The following RPS6KC1 variants were observed in gnomAD, a reference collection of about 807,000 sequenced individuals.
The protein encoded by RPS6KC1 is ribosomal protein S6 kinase C1, also known as inactive ribosomal protein S6 kinase delta-1.
A neutral mutation model predicts 103.8 loss-of-function variants in RPS6KC1; 54 were observed. That is an observed-to-expected ratio of 0.52 (90% CI 0.42 to 0.65). The LOEUF is 0.65. RPS6KC1 is among the 30% of genes least tolerant of loss of function. The probability of loss-of-function intolerance (pLI) is 0.00; values close to 1 mark genes in which losing one functional copy is unlikely to be tolerated. For synonymous variants in RPS6KC1, 439 were observed against 438.7 expected (o/e 1.00, Z -0.01); for missense variants, 1,151 against 1,253.8 (o/e 0.92, Z 1.24).
At chr1:213,690,509 C>T in the RPS6KC1 span, among the ~76,000 whole-genome samples, 2 of 152,168 alleles carry the variant, frequency 1.3e-5, no homozygotes, top group Non-Finnish European at 2.9e-5. Context: ...ACCAAGTTTA[C>T]TGACTGGCCA....
At chr1:213,793,259 G>C in the RPS6KC1 span, among the ~76,000 whole-genome samples, 1 of 152,160 alleles carries the variant, frequency 6.6e-6, no homozygotes, top group Non-Finnish European at 1.5e-5. Context: ...CCTCCATCCA[G>C]CACTGGGTCC....
intron 5 of RPS6KC1, among the ~76,000 whole-genome samples, chr1:213,121,170 G>C (rs1213044653): frequency 1.3e-5 from 2 of 152,176 alleles, no homozygotes; most frequent in Non-Finnish European, 1.5e-5. Context: ...TTAGACGCAA[G>C]TGATTCTCCT....
At chr1:213,537,376 G>A in the RPS6KC1 span, among the ~76,000 whole-genome samples, 9 of 152,094 alleles carry the variant, frequency 5.9e-5, no homozygotes, top group African/African-American at 2.2e-4. Context: ...ATTGGAAGGG[G>A]GTTGGACTTG....
chr1:213,633,794 A>T, the RPS6KC1 span, among the ~76,000 whole-genome samples: 1 of 145,378 alleles, frequency 6.9e-6, no homozygotes, highest in Non-Finnish European at 1.5e-5. Flanking sequence ...TGCTGTATTC[A>T]GAAGACCCAT....
At chr1:213,451,784 G>C in the RPS6KC1 span, among the ~76,000 whole-genome samples, 1 of 152,208 alleles carries the variant, frequency 6.6e-6, no homozygotes, top group Non-Finnish European at 1.5e-5. Context: ...CTGAGCTGGG[G>C]CAAGAACCCA....
At chr1:213,458,632 A>G in the RPS6KC1 span, among the ~76,000 whole-genome samples, 18 of 152,168 alleles carry the variant, frequency 1.2e-4, no homozygotes, top group Admixed American at 3.3e-4. Flanking sequence ...CCTGGCCAGA[A>G]CTTCCAATAC....
chr1:213,063,303 TA>T (rs1248113048), intron 1 of RPS6KC1, among the ~76,000 whole-genome samples: 1 of 152,240 alleles, frequency 6.6e-6, no homozygotes, highest in Admixed American at 6.5e-5. Context: ...CTTGGAATTT[TA>T]ATCTTGAAGA....
chr1:213,070,793 C>T (rs906142492), intron 1 of RPS6KC1, among the ~76,000 whole-genome samples: 4 of 152,040 alleles, frequency 2.6e-5, no homozygotes, highest in Admixed American at 1.3e-4. Context: ...AATATGTAGC[C>T]TAAGGGAGGT....
the RPS6KC1 span, among the ~76,000 whole-genome samples, chr1:213,749,485 A>C: frequency 1.3e-5 from 2 of 152,194 alleles, no homozygotes; most frequent in Non-Finnish European, 2.9e-5. Flanking sequence ...TGCCAAGCAC[A>C]TGCCCTGGGC....
At chr1:213,717,372 A>T in the RPS6KC1 span, among the ~76,000 whole-genome samples, 1 of 152,368 alleles carries the variant, frequency 6.6e-6, no homozygotes, top group East Asian at 1.9e-4. Context: ...GGATAAATAA[A>T]AGTTGACAAG....
the RPS6KC1 span, among the ~76,000 whole-genome samples, chr1:213,713,515 A>T: frequency 6.6e-6 from 1 of 152,156 alleles, no homozygotes; most frequent in Non-Finnish European, 1.5e-5. Context: ...ATTCTTGGAT[A>T]CTTGTTTAAT....
At chr1:213,537,152 G>A in the RPS6KC1 span, among the ~76,000 whole-genome samples, 7 of 152,038 alleles carry the variant, frequency 4.6e-5, no homozygotes, top group Admixed American at 4.6e-4. Context: ...CAAATCTCAG[G>A]GCCTCCATTC....
At chr1:213,228,595 C>T (rs1306820337) in intron 8 of RPS6KC1, among the ~76,000 whole-genome samples, 1 of 151,882 alleles carries the variant, frequency 6.6e-6, no homozygotes, top group Non-Finnish European at 1.5e-5. Flanking sequence ...CATGGTGGCA[C>T]ATGCCTGTAG....
chr1:213,410,765 C>T, the RPS6KC1 span, among the ~76,000 whole-genome samples: 28 of 151,394 alleles, frequency 1.8e-4, no homozygotes, highest in African/African-American at 9.7e-5. Context: ...GATGTGAAGC[C>T]GGAAGGGAGC....
chr1:213,442,266 CAT>C, the RPS6KC1 span, among the ~76,000 whole-genome samples: 2 of 152,232 alleles, frequency 1.3e-5, no homozygotes, highest in African/African-American at 4.8e-5. Context: ...CATAACACCA[CAT>C]AGCCCTTTTG....
the RPS6KC1 span, among the ~76,000 whole-genome samples, chr1:213,617,449 A>G: frequency 6.6e-6 from 1 of 152,142 alleles, no homozygotes. Flanking sequence ...TGTTAATTTG[A>G]AATGTACTGA....
At chr1:213,153,243 GGGGAGAGGGAGAGGGAGA>G (rs374821575) in intron 6 of RPS6KC1, among the ~76,000 whole-genome samples, 1 of 151,056 alleles carries the variant, frequency 6.6e-6, no homozygotes, top group Non-Finnish European at 1.5e-5. Flanking sequence ...GGGAGACCGT[GGGGAGAGGGAGAGGGAGA>G]GGGAGAGGGA....
the RPS6KC1 span, among the ~76,000 whole-genome samples, chr1:213,344,192 T>A: frequency 6.6e-6 from 1 of 152,174 alleles, no homozygotes; most frequent in African/African-American, 2.4e-5. Flanking sequence ...AATCCCAGTC[T>A]GCCAGCTGTG....
chr1:213,055,642 T>A (rs2077276155), intron 1 of RPS6KC1, among the ~76,000 whole-genome samples: 1 of 152,230 alleles, frequency 6.6e-6, no homozygotes, highest in South Asian at 2.1e-4. Context: ...GTACTCTTTC[T>A]TTCTCAAAAT....
Sources: gnomAD v4.1 joint callset for allele counts (sites outside exome capture counted in the v4.1 genomes callset) on GRCh38, gnomAD v4.1.1 for gene constraint, MANE v1.5 for transcripts, NCBI Gene and HGNC (gene_info 2026-07-23, HGNC 2026-07-21) for gene names.